Variants in G3BP2 observed in about 807,000 individuals in gnomAD.
G3BP2 encodes the protein G3BP stress granule assembly factor 2, also known as ras GTPase-activating protein-binding protein 2.
Under a neutral mutation model 56.7 loss-of-function variants are expected in G3BP2, and 11 were observed. The ratio of observed to expected loss-of-function variants is 0.19; its 90% confidence interval spans 0.12 to 0.32. The LOEUF is 0.32. G3BP2 is among the 10% of genes least tolerant of loss of function. G3BP2 has a pLI of 1.00. For missense variants in G3BP2, 340 were observed against 610.9 expected (o/e 0.56, Z 4.67); for synonymous variants, 165 against 191.6 (o/e 0.86, Z 1.15).
chr4:75,697,122 A>C lies in G3BP2; in HGVS notation c.-25+23755T>G, dbSNP rs149686325. 3.0e-3 allele frequency among the ~76,000 whole-genome samples: 450 copies of C among 151,844 alleles called. 4 individuals carry two copies. The highest frequency in any genetic ancestry group is 0.01 in the African/African-American group (428 of 41,396). ...AACCCCAACTCTACTAAAAATACAA[A>C]AATTAGCTGGGCTGGGTAGCGCGTG... On this transcript the variant is annotated intron_variant, in intron 3 of 3. Transcript: ENST00000499709.
intron 3 of G3BP2, chr4:75,694,726 G>A: frequency 1.0e-6 from 1 of 981,370 alleles, no homozygotes; most frequent in Non-Finnish European, 1.2e-6. Context: ...CAACAAGAGC[G>A]AGACTCTGTC....
At chr4:75,660,160 T>C (rs1003975340) in intron 2 of G3BP2, among the ~76,000 whole-genome samples, 6 of 152,160 alleles carry the variant, frequency 3.9e-5, no homozygotes, top group Non-Finnish European at 7.4e-5. Flanking sequence ...TAGGGCCTTA[T>C]TGTTTTAAAA....
intron 3 of G3BP2, among the ~76,000 whole-genome samples, chr4:75,719,909 T>C (rs1166476941): frequency 6.6e-6 from 1 of 151,956 alleles, no homozygotes; most frequent in Non-Finnish European, 1.5e-5. Context: ...TCTTATCTCC[T>C]GAGAGAGGTA....
At position 75,707,175 on chromosome 4, in the gene G3BP2, GAAA is replaced by G. The variant is rs35357713; in HGVS notation, c.-25+13699_-25+13701del. On this transcript the variant is annotated intron_variant, in intron 3 of 3. Transcript: ENST00000499709. ...GGCAACAAGGGCGAAACTCCGTCTTGAAAAAAAAAAAAAAAAAACAGAAAACAC... is the reference window on the plus strand; with the variant it reads ...GGCAACAAGGGCGAAACTCCGTCTTGAAAAAAAAAAAAAAACAGAAAACAC... Among the ~76,000 whole-genome samples the G allele has an allele frequency of 7.8e-4, 81 of 103,614 alleles. 1 individual carries two copies. Among genetic ancestry groups the G allele is most frequent in the African/African-American group, 5.8e-4 (15 of 25,986 alleles). 68.0% of individuals were successfully genotyped at this position (103,614 alleles called of 152,430 possible).
intron 2 of G3BP2, 107 bp from the exon 3 acceptor site, chr4:75,659,031 G>C (rs1732339375): frequency 8.2e-6 from 7 of 849,494 alleles, no homozygotes; most frequent in Non-Finnish European, 2.0e-6. Flanking sequence ...TCACTAATTA[G>C]TTGCGTGATC....
At chr4:75,670,832 T>C (rs1286981551) in intron 1 of G3BP2, among the ~76,000 whole-genome samples, 4 of 151,394 alleles carry the variant, frequency 2.6e-5, no homozygotes, top group Admixed American at 1.3e-4. Flanking sequence ...ACACTTTGGT[T>C]AGGAACAACC....
At chr4:75,645,917 A>G (rs1032439715) in intron 11 of G3BP2, among the ~76,000 whole-genome samples, 2 of 151,564 alleles carry the variant, frequency 1.3e-5, no homozygotes, top group Non-Finnish European at 2.9e-5. Flanking sequence ...CTCAAGTGAT[A>G]CTCCCACCTC....
At chr4:75,664,419 T>C (rs376867534) in intron 1 of G3BP2, among the ~76,000 whole-genome samples, 3 of 143,696 alleles carry the variant, frequency 2.1e-5, no homozygotes, top group East Asian at 4.4e-4. Flanking sequence ...TCTAGTAAAA[T>C]ACAAAAATTT....
intron 3 of G3BP2, among the ~76,000 whole-genome samples, chr4:75,681,426 G>T (rs1324774626): frequency 6.6e-6 from 1 of 152,206 alleles, no homozygotes; most frequent in African/African-American, 2.4e-5. Flanking sequence ...AGGACCCTCA[G>T]TGGATGCCTG....
chr4:75,720,712 C>T (rs1720132834), intron 3 of G3BP2, among the ~76,000 whole-genome samples: 1 of 151,364 alleles, frequency 6.6e-6, no homozygotes, highest in African/African-American at 2.4e-5. Flanking sequence ...AGGAGAATCG[C>T]TTGAACCCGG....
intron 3 of G3BP2, among the ~76,000 whole-genome samples, chr4:75,704,683 A>T (rs1201322535): frequency 6.6e-6 from 1 of 151,870 alleles, no homozygotes; most frequent in African/African-American, 2.4e-5. Context: ...CCCAGGCTGG[A>T]GTGCAGTGGC....
chr4:75,706,315 G>A (rs1215045725), intron 3 of G3BP2, among the ~76,000 whole-genome samples: 14 of 152,172 alleles, frequency 9.2e-5, no homozygotes, highest in Admixed American at 2.6e-4. Context: ...CTGGCCTCAA[G>A]TGATCCTCCC....
At chr4:75,702,027 T>C (rs1205369763) in intron 3 of G3BP2, among the ~76,000 whole-genome samples, 1 of 152,156 alleles carries the variant, frequency 6.6e-6, no homozygotes, top group Non-Finnish European at 1.5e-5. Context: ...TCACAGAAGA[T>C]GAGATGTCTC....
intron 1 of G3BP2, among the ~76,000 whole-genome samples, chr4:75,723,359 G>T (rs1273305341): frequency 1.3e-5 from 2 of 152,198 alleles, no homozygotes; most frequent in African/African-American, 4.8e-5. Context: ...CCCAAGGATG[G>T]ACTGGAGATT....
intron 1 of G3BP2, among the ~76,000 whole-genome samples, chr4:75,667,595 G>A (rs1023185450): frequency 6.6e-6 from 1 of 152,154 alleles, no homozygotes; most frequent in African/African-American, 2.4e-5. Context: ...CTTGTCAAAT[G>A]AAAACATTAT....
intron 3 of G3BP2, among the ~76,000 whole-genome samples, chr4:75,704,012 G>GTTTTTTTTTTTTTTTTTTTTTTT (rs11315970): frequency 7.2e-6 from 1 of 138,958 alleles, no homozygotes. Context: ...TCTATGAAAG[G>GTTTTTTTTTTTTTTTTTTTTTTT]TTTTTTTTTT....
intron 3 of G3BP2, chr4:75,694,933 G>A: frequency 1.9e-5 from 19 of 985,602 alleles, no homozygotes; most frequent in Non-Finnish European, 2.2e-5. Flanking sequence ...AAGGAAACTG[G>A]AGCAGCAAGA....
intron 3 of G3BP2, among the ~76,000 whole-genome samples, chr4:75,697,796 C>T (rs1180718692): frequency 3.3e-5 from 5 of 151,828 alleles, no homozygotes; most frequent in South Asian, 2.1e-4. Flanking sequence ...TAGCTAGGCG[C>T]GGTGGCACAC....
chr4:75,662,544 G>C (rs1732649591), intron 1 of G3BP2: 1 of 152,050 alleles, frequency 6.6e-6, no homozygotes, highest in African/African-American at 2.4e-5. Flanking sequence ...AATTTTCTTA[G>C]TCATACAAAT....
Sources: gnomAD v4.1 joint callset for allele counts (sites outside exome capture counted in the v4.1 genomes callset) on GRCh38, gnomAD v4.1.1 for gene constraint, MANE v1.5 for transcripts, NCBI Gene and HGNC (gene_info 2026-07-23, HGNC 2026-07-21) for gene names.